ATF6: variants seen among roughly 807,000 people sequenced by gnomAD.
The protein encoded by ATF6 is cyclic AMP-dependent transcription factor ATF-6 alpha.
In ATF6, 53 loss-of-function variants were observed where a neutral mutation model predicts 83.6. The observed-to-expected ratio is 0.63, with a 90% CI of 0.51 to 0.80. ATF6 has a LOEUF of 0.80. Ranked by LOEUF, ATF6 falls within the 30% of genes least tolerant of loss-of-function variation. The probability of loss-of-function intolerance (pLI) is 0.00; values close to 1 mark genes in which losing one functional copy is unlikely to be tolerated. For synonymous variants in ATF6, 288 were observed against 285.8 expected, an observed-to-expected ratio of 1.01 and a Z score of -0.08; for missense variants, 744 against 797.9, an observed-to-expected ratio of 0.93 and a Z score of 0.81.
chr1:161,781,139 T>C (rs1025334410), intron 2 of ATF6, among the ~76,000 whole-genome samples: 1 of 152,248 alleles, frequency 6.6e-6, no homozygotes, highest in African/African-American at 2.4e-5. Context: ...TCTGAAATTA[T>C]GTGACACTTC....
chr1:161,950,660 A>G (rs995605431), intron 15 of ATF6, among the ~76,000 whole-genome samples: 3 of 152,204 alleles, frequency 2.0e-5, no homozygotes, highest in African/African-American at 4.8e-5. Flanking sequence ...TGTTTAGGAC[A>G]GTGAATCAGG....
chr1:161,958,188 A>G (rs1689006359), intron 15 of ATF6, among the ~76,000 whole-genome samples: 2 of 152,154 alleles, frequency 1.3e-5, no homozygotes, highest in African/African-American at 2.4e-5. Context: ...CTGTGGCATT[A>G]TTAACCCTGG....
At chr1:161,939,577 A>G (rs754828673) in intron 15 of ATF6, among the ~76,000 whole-genome samples, 17 of 152,214 alleles carry the variant, frequency 1.1e-4, no homozygotes, top group Non-Finnish European at 1.9e-4. Context: ...GACTGATAGG[A>G]TAGCTTGTTA....
At chr1:161,952,743 G>C (rs1289207619) in intron 15 of ATF6, among the ~76,000 whole-genome samples, 6 of 152,160 alleles carry the variant, frequency 3.9e-5, no homozygotes, top group African/African-American at 1.4e-4. Context: ...GCACTGATCT[G>C]TACTGTCACT....
Position 161,963,057 on chromosome 1 carries a change from G to A in ATF6, c.*4403G>A, listed in dbSNP as rs1364844703. 6.6e-6 allele frequency: 1 copy of A among 152,124 alleles called. No individual in the cohort carries two copies. Among genetic ancestry groups the A allele is most frequent in the African/African-American group, 2.4e-5 (1 of 41,430 alleles). 9.4% of individuals were successfully genotyped at this position (152,124 alleles called of 1,614,324 possible). On this transcript the variant is annotated 3_prime_UTR_variant, in exon 16 of 16. Coordinates refer to ENST00000367942, the MANE Select transcript of ATF6 (RefSeq NM_007348.4). ...ATATTCCCATTTTCTTCCACCCACA[G>A]GGATTGGGATTGATTTTTAATTTCC...
intron 14 of ATF6, among the ~76,000 whole-genome samples, chr1:161,910,812 A>G (rs1687976837): frequency 6.6e-6 from 1 of 152,172 alleles, no homozygotes. Flanking sequence ...TTTGTGTCTA[A>G]CAATGCACTT....
chr1:161,803,931 C>T (rs908657440), intron 7 of ATF6, among the ~76,000 whole-genome samples: 13 of 151,488 alleles, frequency 8.6e-5, no homozygotes, highest in African/African-American at 2.7e-4. Flanking sequence ...CATGCTGGTG[C>T]GCTGCACCCA....
In ATF6 at chr1:161,832,761, C is replaced by G. The variant is rs939100424; in HGVS notation, c.1187+11600C>G. ...GCAGGTAAACAAAGCAGCTGGGAAGCTTGAACTGGGTGGAGCCCACCACAG... is the reference window on the plus strand; with the variant it reads ...GCAGGTAAACAAAGCAGCTGGGAAGGTTGAACTGGGTGGAGCCCACCACAG... On this transcript the variant is annotated intron_variant, in intron 9 of 15. Coordinates refer to ENST00000367942, the MANE Select transcript of ATF6 (RefSeq NM_007348.4). 2.6e-5 allele frequency among the ~76,000 whole-genome samples: 4 copies of G among 152,212 alleles called. No homozygotes were observed. The South Asian group carries it at 8.3e-4, about 31-fold the overall frequency.
intron 14 of ATF6, among the ~76,000 whole-genome samples, chr1:161,881,274 A>C (rs1687321538): frequency 6.6e-6 from 1 of 152,090 alleles, no homozygotes; most frequent in Non-Finnish European, 1.5e-5. Context: ...AGTCTTGGCC[A>C]GGGCTGCAGT....
At chr1:161,799,124 G>A (rs186694942) in intron 6 of ATF6, among the ~76,000 whole-genome samples, 162 of 152,250 alleles carry the variant, frequency 1.1e-3, no homozygotes, top group African/African-American at 3.2e-3. Context: ...AAAGACACAC[G>A]CACACATATG....
chr1:161,922,296 A>G (rs982470055), intron 15 of ATF6, among the ~76,000 whole-genome samples: 3 of 152,112 alleles, frequency 2.0e-5, no homozygotes, highest in Non-Finnish European at 4.4e-5. Flanking sequence ...CTGTCCCCAC[A>G]TTACCTTTTC....
chr1:161,848,989 C>G (rs1053192787), intron 10 of ATF6, among the ~76,000 whole-genome samples: 2 of 151,340 alleles, frequency 1.3e-5, no homozygotes, highest in African/African-American at 4.9e-5. Flanking sequence ...CCAGTTAGCA[C>G]AGATGTGCAG....
chr1:161,851,259 CA>C (rs1686619602), intron 10 of ATF6, among the ~76,000 whole-genome samples: 1 of 47,090 alleles, frequency 2.1e-5, no homozygotes, highest in Non-Finnish European at 1.3e-4. Flanking sequence ...CACACACACA[CA>C]CACACACACA....
intron 14 of ATF6, among the ~76,000 whole-genome samples, chr1:161,906,565 T>C (rs2101884070): frequency 6.6e-6 from 1 of 152,292 alleles, no homozygotes; most frequent in African/African-American, 2.4e-5. Context: ...GAAAAGTATA[T>C]CTTAAATCAA....
intron 15 of ATF6, among the ~76,000 whole-genome samples, chr1:161,940,198 T>C (rs1056718145): frequency 6.6e-6 from 1 of 152,168 alleles, no homozygotes; most frequent in Non-Finnish European, 1.5e-5. Context: ...CCAATCCTAT[T>C]AACTTTACCT....
chr1:161,813,971 G>T (rs1685542013), intron 7 of ATF6, among the ~76,000 whole-genome samples: 1 of 146,370 alleles, frequency 6.8e-6, no homozygotes, highest in African/African-American at 2.5e-5. Flanking sequence ...CACAACCTCT[G>T]CCTCCCAGGT....
At chr1:161,923,949 T>C (rs1051818244) in intron 15 of ATF6, among the ~76,000 whole-genome samples, 7 of 152,240 alleles carry the variant, frequency 4.6e-5, no homozygotes, top group African/African-American at 1.7e-4. Context: ...AGCATCTACT[T>C]AAGCCAACAG....
intron 15 of ATF6, among the ~76,000 whole-genome samples, chr1:161,930,245 T>G (rs2101901543): frequency 6.6e-6 from 1 of 152,344 alleles, no homozygotes; most frequent in Non-Finnish European, 1.5e-5. Context: ...TCCCACTTAG[T>G]TTAGTTGTTT....
At chr1:161,827,539 G>A (rs913985382) in intron 9 of ATF6, among the ~76,000 whole-genome samples, 1 of 151,860 alleles carries the variant, frequency 6.6e-6, no homozygotes, top group Admixed American at 6.6e-5. Flanking sequence ...TTAAATTTAG[G>A]AACCTAAACT....
Sources: allele counts gnomAD v4.1 joint callset (sites outside exome capture counted in the v4.1 genomes callset), GRCh38; gene constraint gnomAD v4.1.1; transcripts MANE v1.5; gene names NCBI Gene and HGNC (gene_info 2026-07-23, HGNC 2026-07-21).